Variants in TM9SF3 observed in about 807,000 individuals in gnomAD.
The protein encoded by TM9SF3 is SM-11044-binding protein.
Under a neutral mutation model 78.6 loss-of-function variants are expected in TM9SF3, and 14 were observed. That is an observed-to-expected ratio of 0.18 (90% confidence interval 0.12 to 0.28). The LOEUF is 0.28. TM9SF3 is among the 10% of genes least tolerant of loss of function. The pLI, the probability that TM9SF3 is intolerant of heterozygous loss-of-function variation, is 1.00. For synonymous variants in TM9SF3, 231 were observed against 241.7 expected, an observed-to-expected ratio of 0.96 and a Z score of 0.41; for missense variants, 496 against 721.9, an observed-to-expected ratio of 0.69 and a Z score of 3.59.
chr10:96,522,038 T>C lies in TM9SF3; in HGVS notation c.*225A>G. 3.8e-6 allele frequency: 2 copies of C among 524,562 alleles called. No individual in the cohort carries two copies. The highest frequency in any genetic ancestry group is 6.6e-6 in the Non-Finnish European group (2 of 301,074). 32.5% of individuals were successfully genotyped at this position (524,562 alleles called of 1,614,324 possible). A position where few individuals can be genotyped will look rare whatever the true frequency, so the allele number is the denominator to read the frequency against. On this transcript the variant is annotated 3_prime_UTR_variant, in exon 15 of 15. Transcript: ENST00000371142. ...AGCCATGTACTGTAGTAATGCCTAC[T>C]GCATAAAATCCAAGCATTTGCTGTG...
intron 1 of TM9SF3, among the ~76,000 whole-genome samples, chr10:96,583,321 A>G (rs1484836811): frequency 1.3e-5 from 2 of 152,224 alleles, no homozygotes; most frequent in South Asian, 2.1e-4. Context: ...ACAGGATAGC[A>G]TGAAAACAAG....
chr10:96,547,053 A>G (rs1472739747), intron 8 of TM9SF3, among the ~76,000 whole-genome samples: 1 of 152,240 alleles, frequency 6.6e-6, no homozygotes, highest in Admixed American at 6.5e-5. Flanking sequence ...TCGTGTTATT[A>G]GTTCCATCAA....
chr10:96,574,508 AGT>A (rs1564940234), intron 2 of TM9SF3, among the ~76,000 whole-genome samples: 1 of 152,234 alleles, frequency 6.6e-6, no homozygotes, highest in Non-Finnish European at 1.5e-5. Context: ...TGTGGAAGAC[AGT>A]GTGGCAATTC....
chr10:96,548,061 G>T, intron 7 of TM9SF3, 72 bp from the exon 8 acceptor site: 1 of 916,942 alleles, frequency 1.1e-6, no homozygotes, highest in Non-Finnish European at 1.6e-6. Context: ...TATTATATTA[G>T]CATTAGTTTA....
chr10:96,530,442 G>T, intron 11 of TM9SF3, 98 bp downstream of exon 11: 1 of 919,690 alleles, frequency 1.1e-6, no homozygotes, highest in Non-Finnish European at 1.6e-6. Flanking sequence ...CAGATTATTA[G>T]ATGTTCTCCC....
intron 1 of TM9SF3, among the ~76,000 whole-genome samples, chr10:96,585,982 G>T (rs1249963935): frequency 6.6e-6 from 1 of 152,176 alleles, no homozygotes; most frequent in East Asian, 1.9e-4. Flanking sequence ...AAATGCAAAA[G>T]GGACTGTTTC....
chr10:96,555,803 G>A (rs1317672474), intron 5 of TM9SF3, among the ~76,000 whole-genome samples: 9 of 152,096 alleles, frequency 5.9e-5, no homozygotes, highest in Admixed American at 5.9e-4. Flanking sequence ...GTTCATAAAA[G>A]CAGTCTATGA....
In TM9SF3 at chr10:96,547,913, G is replaced by A. The variant is rs771230361; in HGVS notation, c.1036C>T (p.Leu346=). The A allele has an allele frequency of 6.2e-6, 10 of 1,613,282 alleles. No homozygotes were observed. The South Asian group carries it at 1.1e-4, about 18-fold the overall frequency. ...SPVNGYFGGS[L]YARQGGRRWI... is the part of the protein sequence containing the mutation. ...AAGTTACCTCCTTGTCTAGCATACAGACTTCCTCCAAAATAACCATTCACT... is the reference window on the plus strand; with the variant it reads ...AAGTTACCTCCTTGTCTAGCATACAAACTTCCTCCAAAATAACCATTCACT... The change falls in exon 8 of 15, where the codon CTG becomes TTG. Residue 346 remains leucine (L), a synonymous_variant. Coordinates refer to ENST00000371142, the MANE Select transcript of TM9SF3 (RefSeq NM_020123.4).
chr10:96,559,559 C>T, intron 5 of TM9SF3, 100 bp downstream of exon 5: 1 of 718,132 alleles, frequency 1.4e-6, no homozygotes, highest in South Asian at 3.7e-5. Context: ...TCTTTTAATC[C>T]ACAGTCCTCA....
Position 96,551,245 on chromosome 10 carries a change from T to G in TM9SF3, c.959A>C (p.Glu320Ala), listed in dbSNP as rs761899880. The G allele has an allele frequency of 6.2e-7, 1 of 1,607,706 alleles. No individual in the cohort carries two copies. Among genetic ancestry groups the G allele is most frequent in the South Asian group, 1.1e-5 (1 of 90,558 alleles). ...AATACAGTTAAGTGTAGGCACTTAC[T>G]CAGTATATAAATCTTCTATCATTGC... ...IVAMIEDLYT[E>A]RGSMLSTAIF... Residue 320 changes from glutamate (E) to alanine (A), a missense_variant and splice_region_variant, in exon 7 of 15, where the codon GAG (glutamate) becomes GCG (alanine). Glu to Ala is a moderately radical substitution (Grantham distance 107). Around this residue, in one of 4 missense-constraint regions of TM9SF3, gnomAD observed 280 missense variants for 422.6 expected, o/e 0.66. Coordinates refer to ENST00000371142, the MANE Select transcript of TM9SF3 (RefSeq NM_020123.4).
At chr10:96,525,932 G>A (rs1349425673) in intron 14 of TM9SF3, among the ~76,000 whole-genome samples, 5 of 152,028 alleles carry the variant, frequency 3.3e-5, no homozygotes, top group Non-Finnish European at 7.4e-5. Context: ...AAAACACAAG[G>A]TGTAGAATCC....
chr10:96,569,190 G>GA, intron 2 of TM9SF3, among the ~76,000 whole-genome samples: 1 of 152,256 alleles, frequency 6.6e-6, no homozygotes, highest in South Asian at 2.1e-4. Context: ...AAAAAGGATT[G>GA]AAAGTGCCAA....
intron 14 of TM9SF3, among the ~76,000 whole-genome samples, chr10:96,522,762 C>G (rs1847794205): frequency 6.6e-6 from 1 of 151,858 alleles, no homozygotes; most frequent in African/African-American, 2.4e-5. Flanking sequence ...TGAAAATTCT[C>G]TTAAGGAAGG....
chr10:96,542,425 T>C (rs948423722), intron 9 of TM9SF3, among the ~76,000 whole-genome samples: 1 of 152,188 alleles, frequency 6.6e-6, no homozygotes, highest in African/African-American at 2.4e-5. Context: ...TTAAATATTA[T>C]ATTCTAATAA....
intron 6 of TM9SF3, among the ~76,000 whole-genome samples, chr10:96,551,914 T>C (rs1333010644): frequency 6.8e-6 from 1 of 147,774 alleles, no homozygotes; most frequent in Non-Finnish European, 1.5e-5. Flanking sequence ...TATTTAACAG[T>C]CTATATGCAT....
In TM9SF3 at chr10:96,549,162, A is replaced by C. The variant is rs558369172; in HGVS notation, c.960-1173T>G. 3.9e-5 allele frequency among the ~76,000 whole-genome samples: 6 copies of C among 152,296 alleles called. No homozygotes were observed. In the South Asian group the frequency reaches 1.2e-3, roughly 32 times the overall value. On this transcript the variant is annotated intron_variant, in intron 7 of 14. Transcript: ENST00000371142. The stretch of plus-strand genomic sequence containing the variant: ...CAATATCACACTATAACAGGCACCC[A>C]CACTGATACTGATCCTCTACCTTAT...
intron 5 of TM9SF3, among the ~76,000 whole-genome samples, chr10:96,556,016 A>C (rs2134146735): frequency 6.6e-6 from 1 of 152,306 alleles, no homozygotes; most frequent in South Asian, 2.1e-4. Flanking sequence ...CTATTTTCTA[A>C]TCTAAGATAT....
chr10:96,548,155 G>T (rs149866377), intron 7 of TM9SF3, among the ~76,000 whole-genome samples, 166 bp from the exon 8 acceptor site: 1,966 of 152,262 alleles, frequency 0.013, 32 homozygotes, highest in Non-Finnish European at 0.016. Flanking sequence ...TATAGTGAAT[G>T]AATTTGTAGT....
intron 3 of TM9SF3, among the ~76,000 whole-genome samples, 179 bp from the exon 4 acceptor site, chr10:96,562,317 C>T (rs1367752594): frequency 1.3e-5 from 2 of 151,414 alleles, no homozygotes; most frequent in Non-Finnish European, 2.9e-5. Flanking sequence ...CTGAGGTCTC[C>T]CCAGAAGCCA....
Sources: gnomAD v4.1 joint callset for allele counts (sites outside exome capture counted in the v4.1 genomes callset) on GRCh38, gnomAD v4.1.1 for gene constraint, gnomAD v4.1.1 regional missense constraint, MANE v1.5 for transcripts, NCBI Gene and HGNC (gene_info 2026-07-23, HGNC 2026-07-21) for gene names.